The following GRIN2B variants were observed in gnomAD, a reference collection of about 807,000 sequenced individuals.
GRIN2B encodes glutamate ionotropic receptor NMDA type subunit 2B.
A neutral mutation model predicts 114.5 loss-of-function variants in GRIN2B; 5 were observed. The observed-to-expected ratio is 0.04, with a 90% CI of 0.02 to 0.09. The LOEUF (loss-of-function observed/expected upper bound fraction) is 0.09. Ranked by LOEUF, GRIN2B falls within the 10% of genes least tolerant of loss-of-function variation. The pLI is 1.00. For missense variants in GRIN2B, 1,108 were observed against 1,943.5 expected (o/e 0.57, Z 8.08); for synonymous variants, 787 against 745.1 (o/e 1.06, Z -0.92).
chr12:13,735,747 T>C (rs1863165651), intron 4 of GRIN2B, among the ~76,000 whole-genome samples: 1 of 152,194 alleles, frequency 6.6e-6, no homozygotes, highest in Non-Finnish European at 1.5e-5. Flanking sequence ...TCATCAGATA[T>C]ATCCTGTTCC....
chr12:13,947,502 C>T (rs897766306), intron 2 of GRIN2B, among the ~76,000 whole-genome samples: 1 of 152,082 alleles, frequency 6.6e-6, no homozygotes, highest in Non-Finnish European at 1.5e-5. Context: ...AGAAATGTGG[C>T]CCATAAAGGG....
At chr12:13,699,009 A>G (rs912980413) in intron 4 of GRIN2B, among the ~76,000 whole-genome samples, 4 of 152,212 alleles carry the variant, frequency 2.6e-5, no homozygotes, top group Non-Finnish European at 5.9e-5. Flanking sequence ...TATAACATGT[A>G]GAAACTTGGG....
At chr12:13,890,483 T>A (rs1017913518) in intron 2 of GRIN2B, among the ~76,000 whole-genome samples, 2 of 152,144 alleles carry the variant, frequency 1.3e-5, no homozygotes, top group African/African-American at 4.8e-5. Context: ...CACTACCCCA[T>A]GCGCCCAGTG....
intron 10 of GRIN2B, among the ~76,000 whole-genome samples, chr12:13,572,795 A>G (rs1948723133): frequency 6.6e-6 from 1 of 152,324 alleles, no homozygotes; most frequent in East Asian, 1.9e-4. Flanking sequence ...CTCTAGGCCA[A>G]TTTATATCCG....
intron 5 of GRIN2B, among the ~76,000 whole-genome samples, chr12:13,650,323 C>T (rs573018392): frequency 7.5e-6 from 1 of 133,258 alleles, no homozygotes; most frequent in South Asian, 2.8e-4. Context: ...AACCTGTCCC[C>T]TTCCTCCCCT....
chr12:13,916,208 T>C (rs1866717347), intron 2 of GRIN2B, among the ~76,000 whole-genome samples: 1 of 152,208 alleles, frequency 6.6e-6, no homozygotes, highest in African/African-American at 2.4e-5. Context: ...TCCACAAGAA[T>C]ACCTTACTTA....
chr12:13,789,801 A>C (rs1400699288), intron 3 of GRIN2B, among the ~76,000 whole-genome samples: 1 of 152,198 alleles, frequency 6.6e-6, no homozygotes, highest in Non-Finnish European at 1.5e-5. Flanking sequence ...ATATCAATTG[A>C]AATTAACTTG....
intron 5 of GRIN2B, among the ~76,000 whole-genome samples, chr12:13,656,977 T>C (rs1209584291): frequency 6.6e-6 from 1 of 152,118 alleles, no homozygotes. Context: ...AAGGGACTCA[T>C]TTCTTTCTGG....
chr12:13,797,186 C>T (rs1438579860), intron 3 of GRIN2B, among the ~76,000 whole-genome samples: 4 of 152,098 alleles, frequency 2.6e-5, no homozygotes, highest in South Asian at 2.1e-4. Context: ...TTATGAGAGC[C>T]CATTTCCTGG....
At chr12:13,948,709 T>C (rs1274828608) in intron 2 of GRIN2B, among the ~76,000 whole-genome samples, 1 of 152,174 alleles carries the variant, frequency 6.6e-6, no homozygotes, top group Non-Finnish European at 1.5e-5. Context: ...GTTACATTAA[T>C]CTCATCAGCA....
chr12:13,653,276 G>A lies in GRIN2B; in HGVS notation c.1125+22469C>T, dbSNP rs559320228. On this transcript the variant is annotated intron_variant, in intron 5 of 13. Transcript: ENST00000609686. ...GTTGGAAAGAGAGGGGAGAAAATGG[G>A]GCATTAACTTTTGAGTTTGGTGGGC... is the stretch of plus-strand genomic sequence containing the variant. 2.6e-5 allele frequency among the ~76,000 whole-genome samples: 4 copies of A among 152,116 alleles called. No homozygotes were observed. The East Asian group carries it at 7.8e-4, about 29-fold the overall frequency.
In GRIN2B at chr12:13,551,046, GT is replaced by G. The variant is rs1948405138; in HGVS notation, c.*11736del. 4.1e-5 allele frequency: 1 copy of G among 24,242 alleles called. No individual in the cohort carries two copies. The highest frequency in any genetic ancestry group is 2.8e-3 in the Non-Finnish European group (1 of 352). The allele number at this position is 24,242 out of a possible 1,614,324, so 1.5% of individuals were successfully genotyped here. A position where few individuals can be genotyped will look rare whatever the true frequency, so the allele number is the denominator to read the frequency against. ...CTACTTCATGTTTTTCTCAGTAAGA[GT>G]TCCACCTCCACCTAGATGCTTCACT... On this transcript the variant is annotated 3_prime_UTR_variant, in exon 14 of 14. Transcript: ENST00000609686.
chr12:13,918,011 A>G (rs1238406138), intron 2 of GRIN2B, among the ~76,000 whole-genome samples: 2 of 152,150 alleles, frequency 1.3e-5, no homozygotes, highest in Non-Finnish European at 2.9e-5. Context: ...GGCAATATCA[A>G]TGATAGAATT....
In GRIN2B at chr12:13,559,908, C is replaced by G. The variant is rs1339554937; in HGVS notation, c.*2875G>C. 1 of 152,168 alleles carries G rather than the reference C, an allele frequency of 6.6e-6. No individual in the cohort carries two copies. Among genetic ancestry groups the G allele is most frequent in the African/African-American group, 2.4e-5 (1 of 41,426 alleles). 9.4% of individuals were successfully genotyped at this position (152,168 alleles called of 1,614,324 possible). A position where few individuals can be genotyped will look rare whatever the true frequency, so the allele number is the denominator to read the frequency against. On this transcript the variant is annotated 3_prime_UTR_variant, in exon 14 of 14. Transcript: ENST00000609686. ...ATTGAGCTTCCTGAAACCTTTCAGT[C>G]ACGCCAAGAATGGGAAGTTAATTTG... is the stretch of plus-strand genomic sequence containing the variant.
chr12:13,692,558 G>T (rs543003149), intron 4 of GRIN2B, among the ~76,000 whole-genome samples: 1 of 151,766 alleles, frequency 6.6e-6, no homozygotes, highest in Admixed American at 6.6e-5. Context: ...AGCTGTGCAC[G>T]TTAGGTGAAC....
At position 13,862,779 on chromosome 12, in the gene GRIN2B, A is replaced by T. The variant is rs74067134; in HGVS notation, c.411+3019T>A. On this transcript the variant is annotated intron_variant, in intron 3 of 13. Transcript: ENST00000609686. ...TTGGGGACTCTTTTTATTGGCCTTT[A>T]TGCAAATCTGTTAAGCCCCCAAACA... Among the ~76,000 whole-genome samples the T allele has an allele frequency of 4.1e-3, 627 of 152,098 alleles. 5 individuals are homozygous for T. Among genetic ancestry groups the T allele is most frequent in the African/African-American group, 0.014 (600 of 41,466 alleles).
At chr12:13,713,405 C>T (rs1197947004) in intron 4 of GRIN2B, among the ~76,000 whole-genome samples, 7 of 151,842 alleles carry the variant, frequency 4.6e-5, no homozygotes, top group Non-Finnish European at 7.4e-5. Context: ...CCCCATCTTA[C>T]GAAGACAGGC....
chr12:13,961,337 G>A (rs1316616262), intron 2 of GRIN2B, among the ~76,000 whole-genome samples: 2 of 152,052 alleles, frequency 1.3e-5, no homozygotes, highest in Admixed American at 6.5e-5. Context: ...CACAAGGAGA[G>A]AGGATCCAGA....
intron 10 of GRIN2B, among the ~76,000 whole-genome samples, chr12:13,582,404 T>C (rs1020911708): frequency 6.6e-6 from 1 of 152,234 alleles, no homozygotes; most frequent in Non-Finnish European, 1.5e-5. Context: ...TCTGTTCTCT[T>C]CCTGGGCCCC....
Sources: allele counts gnomAD v4.1 joint callset (sites outside exome capture counted in the v4.1 genomes callset), GRCh38; gene constraint gnomAD v4.1.1; transcripts MANE v1.5; gene names NCBI Gene and HGNC (gene_info 2026-07-23, HGNC 2026-07-21).